The following ENKUR variants were observed in gnomAD, a reference collection of about 807,000 sequenced individuals.
ENKUR encodes the protein enkurin, TRPC channel interacting protein, also known as enkurin.
Under a neutral mutation model 27.6 loss-of-function variants are expected in ENKUR, and 19 were observed. That is an observed-to-expected ratio of 0.69 (90% CI 0.48 to 1.01). The LOEUF (loss-of-function observed/expected upper bound fraction) is 1.01. Ranked by LOEUF, ENKUR falls within the 50% of genes least tolerant of loss-of-function variation. The pLI, the probability that ENKUR is intolerant of heterozygous loss-of-function variation, is 0.00. For missense variants in ENKUR, 312 were observed against 310.5 expected (o/e 1.00, Z -0.04); for synonymous variants, 117 against 96.9 (o/e 1.21, Z -1.22).
intron 1 of ENKUR, among the ~76,000 whole-genome samples, chr10:25,009,020 A>T (rs1463268543): frequency 6.6e-6 from 1 of 151,962 alleles, no homozygotes; most frequent in Non-Finnish European, 1.5e-5. Flanking sequence ...AAAACCAAAC[A>T]CCGCATGTTC....
In ENKUR at chr10:25,061,249, G is replaced by A. The variant is rs190850531; in HGVS notation, c.-101C>T. The A allele has an allele frequency of 6.0e-6, 6 of 1,006,918 alleles. No individual in the cohort carries two copies. The Admixed American group carries it at 1.0e-4, about 17-fold the overall frequency. 62.4% of individuals were successfully genotyped at this position (1,006,918 alleles called of 1,614,324 possible). The stretch of plus-strand genomic sequence containing the variant: ...GACCCTGGTTTGCAGCTATATGGTT[G>A]ATGCTGCCAGACACATCCAGATATG... On this transcript the variant is annotated 5_prime_UTR_variant, in exon 2 of 6. Coordinates refer to the ENKUR transcript ENST00000615958.
intron 2 of ENKUR, among the ~76,000 whole-genome samples, chr10:25,034,778 G>A (rs1178057818): frequency 1.3e-5 from 2 of 152,052 alleles, no homozygotes; most frequent in Non-Finnish European, 2.9e-5. Flanking sequence ...ACAGTATTCT[G>A]TATATTTTCC....
rs181778024 is a variant in ENKUR at position 25,052,470 on chromosome 10, A to T, written c.37+8642T>A. 2.1e-4 allele frequency among the ~76,000 whole-genome samples: 32 copies of T among 152,334 alleles called. No individual in the cohort carries two copies. The East Asian group carries it at 5.8e-3, about 28-fold the overall frequency. On this transcript the variant is annotated intron_variant, in intron 2 of 5. Transcript: ENST00000615958. ...GTCACCTAGTAAGTACATTTACACT[A>T]ATCATGGATTTAAGAAAGTACTAGA...
intron 2 of ENKUR, among the ~76,000 whole-genome samples, chr10:25,033,648 G>A (rs1195013059): frequency 2.0e-5 from 3 of 152,118 alleles, no homozygotes; most frequent in Admixed American, 1.3e-4. Context: ...GGAGAATTTA[G>A]AGCAGTTTAA....
intron 2 of ENKUR, among the ~76,000 whole-genome samples, chr10:25,060,142 C>G (rs1481561698): frequency 6.6e-6 from 1 of 152,078 alleles, no homozygotes; most frequent in Non-Finnish European, 1.5e-5. Context: ...TACGTCTGTA[C>G]AAGGAGAGGC....
intron 2 of ENKUR, among the ~76,000 whole-genome samples, chr10:25,039,416 C>A (rs1023359016): frequency 2.0e-5 from 3 of 151,948 alleles, no homozygotes; most frequent in Non-Finnish European, 2.9e-5. Context: ...CCCATCTCTA[C>A]AAAAAATACA....
At chr10:25,040,829 G>A (rs923565983) in intron 2 of ENKUR, among the ~76,000 whole-genome samples, 3 of 152,210 alleles carry the variant, frequency 2.0e-5, no homozygotes, top group Admixed American at 2.0e-4. Flanking sequence ...CTTAGACCAA[G>A]TTGGTTTATT....
chr10:25,054,226 G>T (rs1243510960), intron 2 of ENKUR, among the ~76,000 whole-genome samples: 1 of 152,134 alleles, frequency 6.6e-6, no homozygotes, highest in Non-Finnish European at 1.5e-5. Flanking sequence ...TTTGAGACCA[G>T]CCTGGCCAAC....
chr10:25,024,535 G>A (rs755333910), intron 2 of ENKUR: 1 of 1,614,166 alleles, frequency 6.2e-7, no homozygotes, highest in Non-Finnish European at 8.5e-7. Flanking sequence ...GTCAGATTTT[G>A]ATTTTTGCCA....
At chr10:25,023,152 T>C in intron 2 of ENKUR, 1 of 1,445,406 alleles carries the variant, frequency 6.9e-7, no homozygotes, top group East Asian at 2.3e-5. Context: ...TTGTTGTTTT[T>C]TGTTTGTTTT....
rs67424973 is a variant in ENKUR, at chr10:25,058,930, T to TA, written c.37+2181dup. ...TAGGTGACGGAGTGAGACTCCATCT[T>TA]AAAAAAAAAAAAAAAGTAAGGAGGG... On this transcript the variant is annotated intron_variant, in intron 2 of 5. Coordinates refer to the ENKUR transcript ENST00000615958. 7.6e-3 allele frequency among the ~76,000 whole-genome samples: 1,043 copies of TA among 137,592 alleles called. 9 individuals are homozygous for TA. Among genetic ancestry groups the TA allele is most frequent in the African/African-American group, 0.024 (901 of 36,864 alleles). The allele number at this position is 137,592 out of a possible 152,430, so 90.3% of individuals were successfully genotyped here. A position where few individuals can be genotyped will look rare whatever the true frequency, so the allele number is the denominator to read the frequency against.
At chr10:25,021,072 A>G (rs1212483870), upstream of ENKUR, among the ~76,000 whole-genome samples, 2 of 152,198 alleles carry the variant, frequency 1.3e-5, no homozygotes, top group African/African-American at 4.8e-5. Context: ...TTCGTGGGTG[A>G]ACACCACGGT....
chr10:25,050,145 AG>A (rs1376156011), intron 2 of ENKUR, among the ~76,000 whole-genome samples: 1 of 152,156 alleles, frequency 6.6e-6, no homozygotes, highest in Non-Finnish European at 1.5e-5. Flanking sequence ...CTCATCACCA[AG>A]GGGATGGTGC....
At chr10:25,005,909 C>A (rs1293600921) in intron 1 of ENKUR, among the ~76,000 whole-genome samples, 1 of 152,202 alleles carries the variant, frequency 6.6e-6, no homozygotes, top group Admixed American at 6.5e-5. Flanking sequence ...TATTCATCTA[C>A]ATCTGTGCTG....
At chr10:24,995,279 A>C (rs1850021495) in intron 3 of ENKUR, among the ~76,000 whole-genome samples, 1 of 152,224 alleles carries the variant, frequency 6.6e-6, no homozygotes, top group African/African-American at 2.4e-5. Flanking sequence ...TAATGACTAA[A>C]TCTTAAGACC....
chr10:25,001,077 C>T (rs79352348), intron 1 of ENKUR, among the ~76,000 whole-genome samples: 3 of 151,856 alleles, frequency 2.0e-5, no homozygotes, highest in African/African-American at 7.2e-5. Context: ...ATTATGTTCC[C>T]TTTATATAAT....
At chr10:25,011,988 C>G (rs1277941502) in intron 1 of ENKUR, among the ~76,000 whole-genome samples, 1 of 152,214 alleles carries the variant, frequency 6.6e-6, no homozygotes. Flanking sequence ...GGGCTGGGCC[C>G]AGGGCCTTGC....
At chr10:24,998,300 T>C (rs1468620334) in intron 2 of ENKUR, among the ~76,000 whole-genome samples, 1 of 151,476 alleles carries the variant, frequency 6.6e-6, no homozygotes, top group African/African-American at 2.4e-5. Context: ...TTTCTTCTCT[T>C]CTCTTCTCCT....
intron 1 of ENKUR, among the ~76,000 whole-genome samples, chr10:25,012,212 A>T (rs2132722499): frequency 6.6e-6 from 1 of 151,306 alleles, no homozygotes; most frequent in Admixed American, 6.5e-5. Context: ...CTGGATGTCT[A>T]GGCAAAGATG....
Sources: gnomAD v4.1 joint callset for allele counts (sites outside exome capture counted in the v4.1 genomes callset) on GRCh38, gnomAD v4.1.1 for gene constraint, MANE v1.5 for transcripts, NCBI Gene and HGNC (gene_info 2026-07-23, HGNC 2026-07-21) for gene names.